Variants in SEMA3A observed in about 807,000 individuals in gnomAD.
SEMA3A encodes the protein semaphorin-3A.
Under a neutral mutation model 97.9 loss-of-function variants are expected in SEMA3A, and 29 were observed. That is an observed-to-expected ratio of 0.30 (90% confidence interval 0.22 to 0.40). The LOEUF is 0.40. Ranked by LOEUF, SEMA3A falls within the 10% of genes least tolerant of loss-of-function variation. SEMA3A has a pLI of 1.00. For synonymous variants in SEMA3A, 321 were observed against 323.7 expected (o/e 0.99, Z 0.09); for missense variants, 763 against 951.3 (o/e 0.80, Z 2.60).
At chr7:84,425,453 G>T (rs1280658997) in intron 1 of SEMA3A, among the ~76,000 whole-genome samples, 1 of 132,766 alleles carries the variant, frequency 7.5e-6, no homozygotes, top group South Asian at 2.3e-4. Context: ...ATATTTATAT[G>T]CATATAAATA....
At chr7:84,038,270 AT>A (rs1378089888) in intron 6 of SEMA3A, among the ~76,000 whole-genome samples, 3 of 152,054 alleles carry the variant, frequency 2.0e-5, no homozygotes, top group African/African-American at 7.2e-5. Context: ...CGCCACTTTG[AT>A]TGCTTTCCTA....
At chr7:84,121,739 C>G (rs1348759007) in intron 3 of SEMA3A, among the ~76,000 whole-genome samples, 1 of 39,902 alleles carries the variant, frequency 2.5e-5, no homozygotes, top group Non-Finnish European at 4.8e-5. Context: ...CCCGGGTTCA[C>G]GCCATTCTCC....
At chr7:84,259,824 A>G (rs1160456514) in intron 3 of SEMA3A, among the ~76,000 whole-genome samples, 2 of 151,784 alleles carry the variant, frequency 1.3e-5, no homozygotes, top group Non-Finnish European at 2.9e-5. Flanking sequence ...CAAAAAAAAA[A>G]AAAGAAAAGA....
chr7:84,298,421 A>G (rs1339347015), intron 3 of SEMA3A, among the ~76,000 whole-genome samples: 1 of 152,170 alleles, frequency 6.6e-6, no homozygotes, highest in Non-Finnish European at 1.5e-5. Context: ...GAAAGATAAA[A>G]GTGACCACCT....
intron 1 of SEMA3A, among the ~76,000 whole-genome samples, chr7:84,152,272 G>A (rs556342522): frequency 1.4e-5 from 2 of 144,464 alleles, no homozygotes; most frequent in East Asian, 2.1e-4. Context: ...ATTCACAATA[G>A]CAAAGACTTG....
intron 2 of SEMA3A, among the ~76,000 whole-genome samples, chr7:84,325,544 G>T (rs1294986067): frequency 6.6e-6 from 1 of 151,922 alleles, no homozygotes; most frequent in African/African-American, 2.4e-5. Context: ...TGTGGCTGCA[G>T]TGGTCCAAGC....
intron 6 of SEMA3A, among the ~76,000 whole-genome samples, chr7:84,027,058 C>T (rs1250987157): frequency 6.6e-6 from 1 of 151,746 alleles, no homozygotes; most frequent in Non-Finnish European, 1.5e-5. Context: ...AAAAATGGAC[C>T]ATTGCTTTAA....
chr7:84,302,992 G>A (rs1274542915), intron 3 of SEMA3A, among the ~76,000 whole-genome samples: 1 of 152,170 alleles, frequency 6.6e-6, no homozygotes, highest in Non-Finnish European at 1.5e-5. Flanking sequence ...TTTGAGGAAA[G>A]AAGAACTAAT....
chr7:84,382,258 C>T (rs1803279893), intron 1 of SEMA3A, among the ~76,000 whole-genome samples: 1 of 151,726 alleles, frequency 6.6e-6, no homozygotes, highest in African/African-American at 2.4e-5. Context: ...CAGGTGCCTG[C>T]CGCCACCGCC....
chr7:84,243,675 TTTC>T (rs2116384727), intron 3 of SEMA3A, among the ~76,000 whole-genome samples: 1 of 152,280 alleles, frequency 6.6e-6, no homozygotes, highest in African/African-American at 2.4e-5. Flanking sequence ...ATTGTAGTTA[TTTC>T]TTGTCTTCTG....
intron 1 of SEMA3A, among the ~76,000 whole-genome samples, chr7:84,435,950 C>G (rs1420630942): frequency 6.6e-6 from 1 of 152,096 alleles, no homozygotes; most frequent in Admixed American, 6.5e-5. Flanking sequence ...GCTACAGTAT[C>G]CGAAACAGCA....
intron 2 of SEMA3A, among the ~76,000 whole-genome samples, chr7:84,362,119 G>A (rs932074447): frequency 6.6e-6 from 1 of 151,814 alleles, no homozygotes; most frequent in African/African-American, 2.4e-5. Flanking sequence ...CTAAATAATT[G>A]GATGACCTTG....
intron 3 of SEMA3A, among the ~76,000 whole-genome samples, chr7:84,122,575 T>G (rs1795660243): frequency 6.6e-6 from 1 of 152,182 alleles, no homozygotes; most frequent in Non-Finnish European, 1.5e-5. Flanking sequence ...GGCTCCCAAA[T>G]TAGAAGGTAA....
At chr7:84,050,368 C>T (rs1272399381) in intron 5 of SEMA3A, among the ~76,000 whole-genome samples, 3 of 152,122 alleles carry the variant, frequency 2.0e-5, no homozygotes, top group Non-Finnish European at 4.4e-5. Context: ...TCTCCAGCAC[C>T]TGTTGTTTCC....
Position 84,052,604 on chromosome 7 carries a change from TTTTC to T in SEMA3A, c.548-6165_548-6162del, listed in dbSNP as rs375547998. ...GTGTCTATTTGATTCTTCTCTCTTT[TTTTC>T]TTTATTAGTCTTGCTAGCGGCCTAT... On this transcript the variant is annotated intron_variant, in intron 5 of 16. Coordinates refer to ENST00000265362, the MANE Select transcript of SEMA3A (RefSeq NM_006080.3). 1.7e-3 allele frequency among the ~76,000 whole-genome samples: 253 copies of T among 152,276 alleles called. 2 individuals carry two copies. The South Asian group carries it at 0.018, about 11-fold the overall frequency.
intron 1 of SEMA3A, among the ~76,000 whole-genome samples, chr7:84,378,667 C>T (rs1803172436): frequency 6.6e-6 from 1 of 151,986 alleles, no homozygotes; most frequent in South Asian, 2.1e-4. Context: ...TGTAACAAAC[C>T]TGCACGTTCT....
chr7:84,076,383 C>T (rs990567162), intron 4 of SEMA3A, among the ~76,000 whole-genome samples: 2 of 152,130 alleles, frequency 1.3e-5, no homozygotes, highest in African/African-American at 2.4e-5. Context: ...TAATTTCACA[C>T]AGCTGGTTTG....
At chr7:84,055,235 G>A (rs1295791468) in intron 5 of SEMA3A, among the ~76,000 whole-genome samples, 1 of 152,226 alleles carries the variant, frequency 6.6e-6, no homozygotes, top group Non-Finnish European at 1.5e-5. Context: ...GCTCCACCCA[G>A]TTGGAGCTTC....
intron 1 of SEMA3A, among the ~76,000 whole-genome samples, chr7:84,473,112 T>C (rs1356290600): frequency 6.6e-6 from 1 of 150,720 alleles, no homozygotes; most frequent in Admixed American, 6.6e-5. Flanking sequence ...CAGAGAAGTA[T>C]TGTTTGGGCT....
Sources: gnomAD v4.1 joint callset for allele counts (sites outside exome capture counted in the v4.1 genomes callset) on GRCh38, gnomAD v4.1.1 for gene constraint, MANE v1.5 for transcripts, NCBI Gene and HGNC (gene_info 2026-07-23, HGNC 2026-07-21) for gene names.